The following PTPRE variants were observed in gnomAD, a reference collection of about 807,000 sequenced individuals.
The protein encoded by PTPRE is protein tyrosine phosphatase receptor type E.
In PTPRE, 51 loss-of-function variants were observed where a neutral mutation model predicts 102.0. The ratio of observed to expected loss-of-function variants is 0.50; its 90% CI spans 0.40 to 0.63. The LOEUF is 0.63. Among genes scored for constraint, PTPRE ranks in the 30% least tolerant of loss-of-function variants. The pLI, the probability that PTPRE is intolerant of heterozygous loss-of-function variation, is 0.00. For synonymous variants in PTPRE, 345 were observed against 348.2 expected (o/e 0.99, Z 0.10); for missense variants, 752 against 915.1 (o/e 0.82, Z 2.30).
At chr10:127,909,452 T>C (rs532624036) in intron 1 of PTPRE, among the ~76,000 whole-genome samples, 7 of 152,292 alleles carry the variant, frequency 4.6e-5, no homozygotes, top group African/African-American at 1.4e-4. Flanking sequence ...ATTCCCTCCC[T>C]GAAGGCCAGA....
intron 1 of PTPRE, among the ~76,000 whole-genome samples, chr10:127,960,357 C>A (rs1849702297): frequency 1.3e-5 from 2 of 152,224 alleles, no homozygotes; most frequent in African/African-American, 4.8e-5. Flanking sequence ...AGCAGACAAA[C>A]CCCTCTATCG....
intron 7 of PTPRE, among the ~76,000 whole-genome samples, chr10:128,057,242 G>A (rs1045681229): frequency 5.3e-5 from 8 of 151,642 alleles, no homozygotes; most frequent in Non-Finnish European, 1.2e-4. Flanking sequence ...ATCTGGCCCA[G>A]CAGCAGGGGG....
At chr10:127,975,360 T>G (rs184679838) in intron 1 of PTPRE, among the ~76,000 whole-genome samples, 2 of 152,368 alleles carry the variant, frequency 1.3e-5, no homozygotes, top group African/African-American at 4.8e-5. Flanking sequence ...GCAAACATGC[T>G]ATTTCCCTTA....
At chr10:128,077,898 G>C (rs1205178894) in intron 19 of PTPRE, 115 bp downstream of exon 19, 3 of 1,220,940 alleles carry the variant, frequency 2.5e-6, no homozygotes, top group Non-Finnish European at 3.4e-6. Flanking sequence ...GTATTCCCTA[G>C]AGTCTCCTCT....
chr10:127,987,992 G>A (rs543207143), intron 2 of PTPRE, among the ~76,000 whole-genome samples: 4 of 152,330 alleles, frequency 2.6e-5, no homozygotes, highest in East Asian at 3.9e-4. Flanking sequence ...TTCATGTTGC[G>A]ATATTGTCGG....
intron 1 of PTPRE, among the ~76,000 whole-genome samples, chr10:127,915,995 GAA>G (rs553726682): frequency 8.9e-5 from 12 of 134,626 alleles, no homozygotes; most frequent in African/African-American, 1.6e-4. Context: ...GAGTTACAGG[GAA>G]AAAAAAAAAA....
At chr10:127,909,718 A>G (rs770507500) in intron 1 of PTPRE, among the ~76,000 whole-genome samples, 1 of 152,222 alleles carries the variant, frequency 6.6e-6, no homozygotes, top group African/African-American at 2.4e-5. Context: ...GTGCCCAGCC[A>G]TGTGCCTACC....
intron 2 of PTPRE, among the ~76,000 whole-genome samples, chr10:128,006,127 AT>A (rs1854515974): frequency 1.3e-5 from 2 of 152,154 alleles, no homozygotes; most frequent in African/African-American, 4.8e-5. Flanking sequence ...ATGGTCATGA[AT>A]TTGGGGGACA....
intron 2 of PTPRE, among the ~76,000 whole-genome samples, chr10:128,023,660 A>G (rs1244466516): frequency 6.6e-6 from 1 of 152,244 alleles, no homozygotes; most frequent in Non-Finnish European, 1.5e-5. Context: ...TCCCGCACAG[A>G]TAAGCGGGGA....
chr10:127,986,319 G>A (rs938964201), intron 2 of PTPRE, among the ~76,000 whole-genome samples: 1 of 152,174 alleles, frequency 6.6e-6, no homozygotes, highest in Non-Finnish European at 1.5e-5. Context: ...TGGGTCTCTC[G>A]CATAGTATTT....
At chr10:128,006,904 C>G (rs1239923383) in intron 2 of PTPRE, among the ~76,000 whole-genome samples, 2 of 152,190 alleles carry the variant, frequency 1.3e-5, no homozygotes, top group Non-Finnish European at 2.9e-5. Flanking sequence ...AAATGATACT[C>G]TTTGCTCAAA....
At chr10:127,916,055 G>A (rs527605171) in intron 1 of PTPRE, among the ~76,000 whole-genome samples, 1 of 152,118 alleles carries the variant, frequency 6.6e-6, no homozygotes, top group South Asian at 2.1e-4. Context: ...AGGTCCACAG[G>A]AAGACAGAAC....
At chr10:128,032,388 T>C (rs1310664896) in intron 2 of PTPRE, among the ~76,000 whole-genome samples, 4 of 152,344 alleles carry the variant, frequency 2.6e-5, no homozygotes, top group East Asian at 1.9e-4. Context: ...GACTGTCCAC[T>C]TGTGCCTCCA....
At chr10:128,049,350 G>A (rs113817228) in intron 5 of PTPRE, among the ~76,000 whole-genome samples, 180 bp from the exon 6 acceptor site, 5 of 152,270 alleles carry the variant, frequency 3.3e-5, no homozygotes, top group African/African-American at 1.2e-4. Context: ...ATGCCTCACA[G>A]GAGGCGAGTG....
intron 3 of PTPRE, among the ~76,000 whole-genome samples, chr10:128,042,554 G>A (rs1444847803): frequency 6.6e-6 from 1 of 152,200 alleles, no homozygotes; most frequent in African/African-American, 2.4e-5. Context: ...ACGAGCAAGA[G>A]GGAAATGGGC....
intron 1 of PTPRE, among the ~76,000 whole-genome samples, chr10:127,932,018 C>T (rs146969750): frequency 1.2e-4 from 19 of 152,150 alleles, no homozygotes; most frequent in African/African-American, 3.9e-4. Flanking sequence ...GTTTCAATAC[C>T]GTCTTCAATG....
At chr10:128,010,852 A>T (rs930360126) in intron 2 of PTPRE, among the ~76,000 whole-genome samples, 1 of 152,020 alleles carries the variant, frequency 6.6e-6, no homozygotes, top group Admixed American at 6.6e-5. Context: ...CGGCCTCCCA[A>T]AGTGCTGGGA....
chr10:128,085,006 C>T lies in PTPRE; in HGVS notation c.*2100C>T. On this transcript the variant is annotated 3_prime_UTR_variant, in exon 21 of 21. Transcript: ENST00000254667. ...GGCCCTGCTCATGTTTTTTTCCTGT[C>T]CCCTTAGACCAACCCCAGGTGTCCA... The T allele has an allele frequency of 4.9e-6, 2 of 405,372 alleles. No homozygotes were observed. The highest frequency in any genetic ancestry group is 3.0e-5 in the Admixed American group (1 of 32,968). 25.1% of individuals were successfully genotyped at this position (405,372 alleles called of 1,614,324 possible). A position where few individuals can be genotyped will look rare whatever the true frequency, so the allele number is the denominator to read the frequency against.
chr10:128,000,013 T>C (rs1000546620), intron 2 of PTPRE: 1 of 960,214 alleles, frequency 1.0e-6, no homozygotes, highest in African/African-American at 1.8e-5. Flanking sequence ...CCCCAGAATG[T>C]TCCTTCTGTT....
Sources: gnomAD v4.1 joint callset for allele counts (sites outside exome capture counted in the v4.1 genomes callset) on GRCh38, gnomAD v4.1.1 for gene constraint, MANE v1.5 for transcripts, NCBI Gene and HGNC (gene_info 2026-07-23, HGNC 2026-07-21) for gene names.